The following PGBD5 variants were observed in gnomAD, a reference collection of about 807,000 sequenced individuals.
The protein encoded by PGBD5 is piggyBac transposable element derived 5.
A neutral mutation model predicts 47.9 loss-of-function variants in PGBD5; 14 were observed. The observed-to-expected ratio is 0.29, with a 90% CI of 0.19 to 0.46. PGBD5 has a LOEUF of 0.46. Ranked by LOEUF, PGBD5 falls within the 20% of genes least tolerant of loss-of-function variation. The pLI, the probability that PGBD5 is intolerant of heterozygous loss-of-function variation, is 1.00. For missense variants in PGBD5, 635 were observed against 716.0 expected (o/e 0.89, Z 1.29); for synonymous variants, 316 against 306.3 (o/e 1.03, Z -0.33).
In PGBD5 at chr1:230,348,984, C is replaced by T. The variant is rs576731875; in HGVS notation, c.894+1974G>A. On this transcript the variant is annotated intron_variant, in intron 3 of 6. Transcript: ENST00000391860. ...TCTGGCTTCTAAAAACAAACTTTCACGCTGCTGCAAAACCTCCTAGAATCA... is the reference window on the plus strand; with the variant it reads ...TCTGGCTTCTAAAAACAAACTTTCATGCTGCTGCAAAACCTCCTAGAATCA... Among the ~76,000 whole-genome samples, 66 of 152,312 alleles carry T rather than the reference C, an allele frequency of 4.3e-4. 1 individual carries two copies. Among genetic ancestry groups the T allele is most frequent in the Non-Finnish European group, 7.9e-4 (54 of 68,032 alleles).
At chr1:230,333,992 G>A (rs923117679) in intron 4 of PGBD5, among the ~76,000 whole-genome samples, 2 of 152,222 alleles carry the variant, frequency 1.3e-5, no homozygotes, top group Admixed American at 1.3e-4. Flanking sequence ...AGAGACCCTG[G>A]GAGCAGTCTC....
chr1:230,365,832 T>C (rs2820380), intron 1 of PGBD5, among the ~76,000 whole-genome samples: 95,278 of 152,108 alleles, frequency 0.63, 31,098 homozygotes, highest in Non-Finnish European at 0.73. Flanking sequence ...TGTGGATGAA[T>C]GACTCTTTGG....
chr1:230,392,863 A>G (rs2102733733), intron 1 of PGBD5, among the ~76,000 whole-genome samples: 1 of 151,752 alleles, frequency 6.6e-6, no homozygotes, highest in Non-Finnish European at 1.5e-5. Context: ...AGCACACTAG[A>G]CCCCGTGGGG....
At chr1:230,403,178 CA>C (rs1461726550) in intron 1 of PGBD5, among the ~76,000 whole-genome samples, 3 of 152,252 alleles carry the variant, frequency 2.0e-5, no homozygotes, top group African/African-American at 7.2e-5. Flanking sequence ...AAGCACACCC[CA>C]TTCAATTCCT....
At chr1:230,412,175 T>C (rs1391682206) in intron 1 of PGBD5, among the ~76,000 whole-genome samples, 1 of 152,136 alleles carries the variant, frequency 6.6e-6, no homozygotes, top group Non-Finnish European at 1.5e-5. Flanking sequence ...ATGTATAATA[T>C]TATATTAATG....
chr1:230,339,189 T>A (rs1417800763), intron 3 of PGBD5, among the ~76,000 whole-genome samples: 1 of 152,190 alleles, frequency 6.6e-6, no homozygotes, highest in East Asian at 1.9e-4. Flanking sequence ...CCACTTTATT[T>A]AATGCTTCCC....
At chr1:230,419,247 G>A (rs529773300) in intron 1 of PGBD5, among the ~76,000 whole-genome samples, 29 of 114,022 alleles carry the variant, frequency 2.5e-4, no homozygotes, top group African/African-American at 8.1e-4. Flanking sequence ...AGGAAATCAC[G>A]TCCTCTGCAG....
At chr1:230,384,049 C>T (rs1429060427) in intron 1 of PGBD5, among the ~76,000 whole-genome samples, 1 of 152,204 alleles carries the variant, frequency 6.6e-6, no homozygotes, top group Non-Finnish European at 1.5e-5. Flanking sequence ...GAAAAGCCTT[C>T]CAACTTAACA....
chr1:230,403,413 A>G (rs914136672), intron 1 of PGBD5, among the ~76,000 whole-genome samples: 1 of 152,098 alleles, frequency 6.6e-6, no homozygotes, highest in Non-Finnish European at 1.5e-5. Context: ...TTCTGTCTCT[A>G]CAGCACTGAG....
chr1:230,407,788 G>A (rs1473766347), intron 1 of PGBD5, among the ~76,000 whole-genome samples: 2 of 152,184 alleles, frequency 1.3e-5, no homozygotes, highest in Non-Finnish European at 2.9e-5. Flanking sequence ...GCGATTATGA[G>A]AGGAAACAAC....
chr1:230,414,070 A>G (rs1236905788), intron 1 of PGBD5, among the ~76,000 whole-genome samples: 1 of 152,178 alleles, frequency 6.6e-6, no homozygotes, highest in East Asian at 1.9e-4. Flanking sequence ...CATGTGACTT[A>G]GGTTAGTCGT....
intron 1 of PGBD5, among the ~76,000 whole-genome samples, chr1:230,388,458 C>T (rs1020844849): frequency 6.6e-6 from 1 of 151,294 alleles, no homozygotes; most frequent in Non-Finnish European, 1.5e-5. Context: ...CTCTGTCGCC[C>T]AGGCTGGAGT....
intron 1 of PGBD5, chr1:230,367,811 A>G (rs987244591): frequency 8.8e-5 from 97 of 1,100,990 alleles, no homozygotes; most frequent in Non-Finnish European, 1.1e-4. Context: ...GCTCTTCATC[A>G]TATCAACCAC....
rs540102013 is a variant in PGBD5 at position 230,383,514 on chromosome 1, C to G, written c.332-26193G>C. Among the ~76,000 whole-genome samples the G allele has an allele frequency of 5.9e-5, 9 of 152,140 alleles. No individual in the cohort carries two copies. The South Asian group carries it at 1.9e-3, about 32-fold the overall frequency. On this transcript the variant is annotated intron_variant, in intron 1 of 6. Coordinates refer to ENST00000391860, the MANE Select transcript of PGBD5 (RefSeq NM_001258311.2). ...TAAATAGCTGGGATTATAGGTGCAC[C>G]ACCAAGCCTGGCTTATTTTAAAATT...
chr1:230,332,514 C>T (rs1382725154), intron 5 of PGBD5, among the ~76,000 whole-genome samples: 1 of 152,178 alleles, frequency 6.6e-6, no homozygotes, highest in Non-Finnish European at 1.5e-5. Flanking sequence ...ACGGATTTTT[C>T]ACAGAATCCC....
intron 1 of PGBD5, among the ~76,000 whole-genome samples, chr1:230,399,294 C>T (rs560220522): frequency 1.3e-5 from 2 of 152,208 alleles, no homozygotes; most frequent in East Asian, 1.9e-4. Flanking sequence ...GTCTGGCAAC[C>T]CTGCTTCATG....
intron 3 of PGBD5, among the ~76,000 whole-genome samples, chr1:230,342,104 C>A (rs1023573544): frequency 1.3e-5 from 2 of 152,166 alleles, no homozygotes; most frequent in African/African-American, 4.8e-5. Flanking sequence ...AATGCCCCCA[C>A]GACCTCCAGA....
At chr1:230,416,757 T>A (rs1657523776) in intron 1 of PGBD5, among the ~76,000 whole-genome samples, 1 of 152,212 alleles carries the variant, frequency 6.6e-6, no homozygotes, top group Non-Finnish European at 1.5e-5. Context: ...TGCTAAGGAA[T>A]CTGGATTTCC....
intron 5 of PGBD5, among the ~76,000 whole-genome samples, chr1:230,327,351 C>CA (rs949692333): frequency 9.9e-5 from 15 of 152,214 alleles, no homozygotes; most frequent in African/African-American, 3.6e-4. Context: ...CTCCCACCCC[C>CA]ACAACTCTCA....
Sources: gnomAD v4.1 joint callset for allele counts (sites outside exome capture counted in the v4.1 genomes callset) on GRCh38, gnomAD v4.1.1 for gene constraint, MANE v1.5 for transcripts, NCBI Gene and HGNC (gene_info 2026-07-23, HGNC 2026-07-21) for gene names.